MRPS27: variants seen among roughly 807,000 people sequenced by gnomAD.
The protein encoded by MRPS27 is mitochondrial ribosomal protein S27.
MRPS27 carries 43 observed loss-of-function variants against 48.9 expected under a neutral mutation model. The observed-to-expected ratio is 0.88, with a 90% confidence interval of 0.69 to 1.13. The LOEUF (loss-of-function observed/expected upper bound fraction) is 1.13, where lower values mean the gene tolerates loss of function less well. MRPS27 is among the 50% of genes most tolerant of loss of function. MRPS27 has a pLI of 0.00. For synonymous variants in MRPS27, 188 were observed against 171.9 expected (o/e 1.09, Z -0.73); for missense variants, 467 against 476.3 (o/e 0.98, Z 0.18).
intron 4 of MRPS27, among the ~76,000 whole-genome samples, chr5:72,269,398 T>A (rs2112014705): frequency 6.6e-6 from 1 of 152,338 alleles, no homozygotes; most frequent in South Asian, 2.1e-4. Context: ...GGTATCTGAC[T>A]AATATTTCTA....
At chr5:72,269,537 T>G (rs1260194760) in intron 4 of MRPS27, among the ~76,000 whole-genome samples, 2 of 152,242 alleles carry the variant, frequency 1.3e-5, no homozygotes, top group Non-Finnish European at 2.9e-5. Context: ...GGTATGATGC[T>G]ATTGAATGAA....
intron 4 of MRPS27, among the ~76,000 whole-genome samples, chr5:72,280,172 A>G (rs1182127291): frequency 6.6e-6 from 1 of 152,110 alleles, no homozygotes; most frequent in Non-Finnish European, 1.5e-5. Flanking sequence ...ATTTTATGTT[A>G]GTCTTCTTAA....
rs117778520 is a variant in MRPS27, at chr5:72,250,708, G to A, written c.282-12580C>T. On this transcript the variant is annotated intron_variant, in intron 4 of 10. Coordinates refer to ENST00000261413, the MANE Select transcript of MRPS27 (RefSeq NM_015084.3). The stretch of plus-strand genomic sequence containing the variant: ...ATAGGAGCTATTTAGGCATTTTGCC[G>A]GCTTATAATTCTTTTTGGAACCAAA... Among the ~76,000 whole-genome samples, 48 of 152,162 alleles carry A rather than the reference G, an allele frequency of 3.2e-4. No homozygotes were observed. The East Asian group carries it at 4.4e-3, about 14-fold the overall frequency.
At position 72,220,750 on chromosome 5, in the gene MRPS27, G is replaced by A. The variant is rs191523104; in HGVS notation, c.*159C>T. 1.0e-5 allele frequency: 11 copies of A among 1,076,846 alleles called. No individual in the cohort carries two copies. Among genetic ancestry groups the A allele is most frequent in the African/African-American group, 7.9e-5 (5 of 63,180 alleles). The allele number at this position is 1,076,846 out of a possible 1,614,324, so 66.7% of individuals were successfully genotyped here. On this transcript the variant is annotated 3_prime_UTR_variant, in exon 11 of 11. Coordinates refer to ENST00000261413, the MANE Select transcript of MRPS27 (RefSeq NM_015084.3). ...GTTCCATAGCCCTTCTTGGCATCTC[G>A]ATGGGCAGTCATGGTGCCTTGCCAT...
chr5:72,301,815 GA>G (rs1200086866), intron 2 of MRPS27, among the ~76,000 whole-genome samples: 2 of 152,254 alleles, frequency 1.3e-5, no homozygotes, highest in African/African-American at 4.8e-5. Context: ...CTGCCGTGAT[GA>G]ATGAGGCAGA....
chr5:72,280,279 T>C (rs1392304544), intron 4 of MRPS27, among the ~76,000 whole-genome samples: 2 of 152,190 alleles, frequency 1.3e-5, no homozygotes, highest in Admixed American at 6.5e-5. Flanking sequence ...TTGGTTGGAA[T>C]TGCACTGAAT....
intron 3 of MRPS27, among the ~76,000 whole-genome samples, chr5:72,296,496 T>C (rs1196939734): frequency 6.6e-6 from 1 of 152,134 alleles, no homozygotes; most frequent in Non-Finnish European, 1.5e-5. Flanking sequence ...ATAAATAGGA[T>C]AAAGGCACTG....
intron 4 of MRPS27, among the ~76,000 whole-genome samples, chr5:72,238,759 C>A (rs1317038707): frequency 6.6e-6 from 1 of 152,184 alleles, no homozygotes; most frequent in Non-Finnish European, 1.5e-5. Context: ...TAGCTCCCCA[C>A]AGGGTCTTAA....
At chr5:72,313,555 T>C (rs1750492582) in intron 2 of MRPS27, among the ~76,000 whole-genome samples, 2 of 152,190 alleles carry the variant, frequency 1.3e-5, no homozygotes, top group South Asian at 4.1e-4. Flanking sequence ...GTCTGTGTAA[T>C]ATGACATAGG....
rs564313652 is a variant in MRPS27, at chr5:72,223,862, A to C, written c.838-12T>G. 6.2e-7 allele frequency: 1 copy of C among 1,610,964 alleles called. No individual in the cohort carries two copies. The highest frequency in any genetic ancestry group is 1.3e-5 in the African/African-American group (1 of 74,980). Reference sequence around the variant, plus strand: ...CCCAGCACATCGAGCTGTGGAGCAGAAAGAGGGTCAGCAACCAAATGTTTT... The same window carrying C: ...CCCAGCACATCGAGCTGTGGAGCAGCAAGAGGGTCAGCAACCAAATGTTTT... On this transcript the variant is annotated splice_polypyrimidine_tract_variant and intron_variant, in intron 9 of 10. Transcript: ENST00000261413.
intron 4 of MRPS27, among the ~76,000 whole-genome samples, chr5:72,263,158 T>A (rs903322279): frequency 6.6e-6 from 1 of 152,180 alleles, no homozygotes; most frequent in African/African-American, 2.4e-5. Context: ...TGATTATTTC[T>A]TAGGGATTTC....
chr5:72,233,478 ATTTT>A (rs1375992254), intron 6 of MRPS27, among the ~76,000 whole-genome samples: 1 of 152,066 alleles, frequency 6.6e-6, no homozygotes, highest in African/African-American at 2.4e-5. Flanking sequence ...TTACTGAATT[ATTTT>A]TTTAACCAAT....
intron 4 of MRPS27, among the ~76,000 whole-genome samples, chr5:72,263,406 A>G (rs1749034029): frequency 6.6e-6 from 1 of 151,978 alleles, no homozygotes. Context: ...ATTAACAACA[A>G]AAGAAAAAAT....
In MRPS27 at chr5:72,236,647, C is replaced by T. The variant is rs143640297; in HGVS notation, c.396+1367G>A. Among the ~76,000 whole-genome samples the T allele has an allele frequency of 7.0e-3, 1,065 of 152,224 alleles. 17 individuals are homozygous for T. The highest frequency in any genetic ancestry group is 0.024 in the African/African-American group (988 of 41,542). ...TGATTGGACTTATCCAGGGACCTAG[C>T]TCAATCTTTTACTCGCTTCCTTACC... On this transcript the variant is annotated intron_variant, in intron 5 of 10. Coordinates refer to ENST00000261413, the MANE Select transcript of MRPS27 (RefSeq NM_015084.3).
Position 72,280,091 on chromosome 5 carries a change from T to C in MRPS27, c.281+15440A>G, listed in dbSNP as rs186636904. Among the ~76,000 whole-genome samples the C allele has an allele frequency of 6.2e-3, 952 of 152,350 alleles. 3 individuals are homozygous for C. Among genetic ancestry groups the C allele is most frequent in the Middle Eastern group, 0.024 (7 of 294 alleles). ...CTCCACTAGTCTATTTGTCTACATC[T>C]AAGCCATTATCTTCATTTGTATTTT... On this transcript the variant is annotated intron_variant, in intron 4 of 10. Transcript: ENST00000261413.
intron 4 of MRPS27, among the ~76,000 whole-genome samples, chr5:72,259,046 T>C (rs1748891526): frequency 1.3e-5 from 2 of 152,196 alleles, no homozygotes; most frequent in Admixed American, 1.3e-4. Context: ...CATGGTTCTT[T>C]GTTCTGTGTA....
intron 3 of MRPS27, among the ~76,000 whole-genome samples, 196 bp downstream of exon 3, chr5:72,297,436 G>C (rs1046357480): frequency 2.6e-5 from 4 of 152,150 alleles, no homozygotes; most frequent in African/African-American, 9.7e-5. Flanking sequence ...TCTGGTAAAT[G>C]TATTAACTTT....
At chr5:72,315,639 TAATTTGCCATTAGAGAAATGCAAAACAAA>T (rs1197391569) in intron 1 of MRPS27, among the ~76,000 whole-genome samples, 4 of 150,950 alleles carry the variant, frequency 2.6e-5, no homozygotes, top group Non-Finnish European at 5.9e-5. Flanking sequence ...ATGCTTAACA[TAATTTGCCATTAGAGAAATGCAAAACAAA>T]ATCACCTGGA....
chr5:72,245,098 T>C (rs1200400098), intron 4 of MRPS27, among the ~76,000 whole-genome samples: 3 of 152,034 alleles, frequency 2.0e-5, no homozygotes, highest in Non-Finnish European at 4.4e-5. Context: ...AAGCAGAAAA[T>C]GGCTTTGTGG....
Sources: allele counts gnomAD v4.1 joint callset (sites outside exome capture counted in the v4.1 genomes callset), GRCh38; gene constraint gnomAD v4.1.1; transcripts MANE v1.5; gene names NCBI Gene and HGNC (gene_info 2026-07-23, HGNC 2026-07-21).